The following STKLD1 variants were observed in gnomAD, a reference collection of about 807,000 sequenced individuals.
The protein encoded by STKLD1 is serine/threonine kinase like domain containing 1.
STKLD1 carries 79 observed loss-of-function variants against 80.4 expected under a neutral mutation model. That is an observed-to-expected ratio of 0.98 (90% confidence interval 0.82 to 1.19). STKLD1 has a LOEUF of 1.19. Among genes scored for constraint, STKLD1 ranks in the 50% most tolerant of loss-of-function variants. The pLI is 0.00. For synonymous variants in STKLD1, 393 were observed against 357.6 expected (o/e 1.10, Z -1.12); for missense variants, 841 against 856.0 (o/e 0.98, Z 0.22).
intron 10 of STKLD1, 82 bp from the exon 11 acceptor site, chr9:133,397,890 C>A: frequency 8.8e-7 from 1 of 1,135,522 alleles, no homozygotes; most frequent in Non-Finnish European, 1.3e-6. Flanking sequence ...ACACAGCAGC[C>A]AGCCCAGTGT....
Position 133,389,117 on chromosome 9 carries a change from CTT to C in STKLD1, c.397-406_397-405del. The C allele has an allele frequency of 3.0e-6, 3 of 985,378 alleles. No individual in the cohort carries two copies. The highest frequency in any genetic ancestry group is 3.6e-6 in the Non-Finnish European group (3 of 829,926). The allele number at this position is 985,378 out of a possible 1,614,324, so 61.0% of individuals were successfully genotyped here. On this transcript the variant is annotated intron_variant, in intron 5 of 17. Transcript: ENST00000371957. This position sits in a 1 kb window ranked among gnomAD's most constrained non-coding sequence, Gnocchi z 6.4. ...ACTCCTAGCATTCTCTCTCAGGGCT[CTT>C]TTCATTTGAATGACCTAGAGGATTG...
intron 5 of STKLD1, chr9:133,387,811 T>A (rs2130280899): frequency 1.7e-6 from 1 of 591,106 alleles, no homozygotes; most frequent in South Asian, 1.5e-5. Context: ...TGACCATGAT[T>A]CCAGATTGTT....
chr9:133,397,356 C>G, intron 10 of STKLD1, 62 bp downstream of exon 10: 1 of 1,600,128 alleles, frequency 6.2e-7, no homozygotes, highest in East Asian at 2.2e-5. Context: ...CCTTGGCATC[C>G]TATTGTTTAG....
intron 7 of STKLD1, among the ~76,000 whole-genome samples, chr9:133,393,687 G>C (rs1251605285): frequency 1.3e-5 from 2 of 151,750 alleles, no homozygotes; most frequent in Non-Finnish European, 2.9e-5. Context: ...GGTGTGCGTG[G>C]ATGGATGGGT....
At position 133,405,981 on chromosome 9, in the gene STKLD1, T is replaced by C. The variant is rs1838852466; in HGVS notation, c.*560T>C. ...CAGTGGGATACTTAATTCTGCAGTC[T>C]CTATAGACCTCGCCCCTGGACAGAG... On this transcript the variant is annotated 3_prime_UTR_variant, in exon 18 of 18. Coordinates refer to ENST00000371957, the MANE Select transcript of STKLD1 (RefSeq NM_153710.5). 1 of 152,874 alleles carries C rather than the reference T, an allele frequency of 6.5e-6. No individual in the cohort carries two copies. The highest frequency in any genetic ancestry group is 6.5e-5 in the Admixed American group (1 of 15,330). 9.5% of individuals were successfully genotyped at this position (152,874 alleles called of 1,614,324 possible).
intron 2 of STKLD1, among the ~76,000 whole-genome samples, chr9:133,380,938 C>A (rs1053765593): frequency 1.3e-5 from 2 of 152,218 alleles, no homozygotes; most frequent in Non-Finnish European, 1.5e-5. Context: ...CTAACCCAAG[C>A]CATCCCTATC....
chr9:133,380,783 CT>C (rs1293466259), intron 2 of STKLD1, among the ~76,000 whole-genome samples: 1 of 151,954 alleles, frequency 6.6e-6, no homozygotes, highest in Non-Finnish European at 1.5e-5. Flanking sequence ...CGTTTGTAAA[CT>C]TTTTTGGATT....
At position 133,405,535 on chromosome 9, in the gene STKLD1, G is replaced by GTCTGATTACCCCTCCC; in HGVS notation, c.*114_*115insTCTGATTACCCCTCCC. On this transcript the variant is annotated 3_prime_UTR_variant, in exon 18 of 18. Transcript: ENST00000371957. ...GCCAAAATCAATCTTAAACGGGAGG[G>GTCTGATTACCCCTCCC]GTAATCAGACCTCTCCAAAGAGTTT... 9.1e-7 allele frequency: 1 copy of GTCTGATTACCCCTCCC among 1,101,532 alleles called. No individual in the cohort carries two copies. The highest frequency in any genetic ancestry group is 1.3e-6 in the Non-Finnish European group (1 of 797,080). The allele number at this position is 1,101,532 out of a possible 1,614,324, so 68.2% of individuals were successfully genotyped here.
Position 133,385,743 on chromosome 9 carries a change from G to T in STKLD1, c.294+52G>T. 6.5e-7 allele frequency: 1 copy of T among 1,543,758 alleles called. No homozygotes were observed. The highest frequency in any genetic ancestry group is 1.1e-5 in the South Asian group (1 of 89,264). On this transcript the variant is annotated intron_variant, in intron 4 of 17. Transcript: ENST00000371957. The surrounding 1 kb of genome is among the most constrained non-coding windows in gnomAD (Gnocchi z 4.9). ...TCAGCCGCCACGCAGTGGGCTGCAG[G>T]ACCAAGCAGACTGAGCCCAGAGCAC...
intron 1 of STKLD1, 122 bp from the exon 2 acceptor site, chr9:133,378,914 G>A (rs2130258831): frequency 2.6e-6 from 2 of 774,762 alleles, no homozygotes; most frequent in Non-Finnish European, 4.2e-6. Context: ...ATGGGGTGGA[G>A]CCACTTGCTC....
Position 133,395,761 on chromosome 9 carries a change from A to G in STKLD1, c.864A>G (p.Ile288Met), listed in dbSNP as rs1554776634. ...TCGACCCCTCGGATCGAATAACGAT[A>G]AAGTGAGCTCAGGGTCGGGGTTTAT... ...LQIDPSDRIT[I>M]KDVVHITFLR... The change falls in exon 9 of 18, where the codon ATA (isoleucine) becomes ATG (methionine). Residue 288 changes from isoleucine (I) to methionine (M), a missense_variant and splice_region_variant. Physicochemically the swap from Ile to Met is conservative, Grantham distance 10 (BLOSUM62 1). Transcript: ENST00000371957. 1.3e-5 allele frequency: 21 copies of G among 1,613,256 alleles called. No homozygotes were observed. The highest frequency in any genetic ancestry group is 1.8e-5 in the Non-Finnish European group (21 of 1,179,894).
chr9:133,389,219 G>A lies in STKLD1; in HGVS notation c.397-307G>A. 1 of 985,386 alleles carries A rather than the reference G, an allele frequency of 1.0e-6. No homozygotes were observed. Among genetic ancestry groups the A allele is most frequent in the Non-Finnish European group, 1.2e-6 (1 of 829,910 alleles). 61.0% of individuals were successfully genotyped at this position (985,386 alleles called of 1,614,324 possible). On this transcript the variant is annotated intron_variant, in intron 5 of 17. Coordinates refer to ENST00000371957, the MANE Select transcript of STKLD1 (RefSeq NM_153710.5). This position sits in a 1 kb window ranked among gnomAD's most constrained non-coding sequence, Gnocchi z 6.4. Reference sequence around the variant, plus strand: ...GATCTGCCTTCAGCTCCCAGCAAGTGTGGGGCAGCGCGGGCCACAGAGTAG... The same window carrying A: ...GATCTGCCTTCAGCTCCCAGCAAGTATGGGGCAGCGCGGGCCACAGAGTAG...
chr9:133,397,080 G>A (rs145816013), intron 9 of STKLD1, 84 bp from the exon 10 acceptor site: 49 of 1,585,320 alleles, frequency 3.1e-5, no homozygotes, highest in East Asian at 1.1e-4. Context: ...TGGGCAGCCC[G>A]GAGCCAGAGG....
rs2130273018 is a variant in STKLD1, at chr9:133,384,685, G to C, written c.219+785G>C. 9.2e-5 allele frequency: 14 copies of C among 151,498 alleles called. No individual in the cohort carries two copies. Among genetic ancestry groups the C allele is most frequent in the African/African-American group, 2.9e-4 (12 of 41,218 alleles). 9.4% of individuals were successfully genotyped at this position (151,498 alleles called of 1,614,324 possible). A position where few individuals can be genotyped will look rare whatever the true frequency, so the allele number is the denominator to read the frequency against. The stretch of plus-strand genomic sequence containing the variant: ...CCACCTCGGCCTCCAAAGTGCTGGG[G>C]TACAGGCATGTACCACCACACCCAT... On this transcript the variant is annotated intron_variant, in intron 3 of 17. Transcript: ENST00000371957. This position sits in a 1 kb window ranked among gnomAD's most constrained non-coding sequence, Gnocchi z 4.3.
intron 1 of STKLD1, among the ~76,000 whole-genome samples, chr9:133,377,148 AG>A (rs1837994432): frequency 6.6e-6 from 1 of 152,198 alleles, no homozygotes; most frequent in Non-Finnish European, 1.5e-5. Flanking sequence ...AGAGGACTAT[AG>A]GGCGTTGCCA....
chr9:133,392,202 G>A (rs587628785), intron 7 of STKLD1, among the ~76,000 whole-genome samples: 177 of 151,106 alleles, frequency 1.2e-3, no homozygotes, highest in Middle Eastern at 3.4e-3. Context: ...TCAGCCTCCC[G>A]AGTAGCTGGG....
chr9:133,391,543 T>A (rs1256030148), intron 7 of STKLD1, among the ~76,000 whole-genome samples: 1 of 151,846 alleles, frequency 6.6e-6, no homozygotes, highest in Non-Finnish European at 1.5e-5. Context: ...TGCCTTGGGA[T>A]CCTGTTGATC....
intron 12 of STKLD1, among the ~76,000 whole-genome samples, chr9:133,401,292 C>T (rs1011185052): frequency 2.0e-5 from 3 of 152,068 alleles, no homozygotes; most frequent in Non-Finnish European, 4.4e-5. Context: ...GCACCCACCA[C>T]CACGCCTGGC....
At chr9:133,396,611 G>A (rs921231647) in intron 9 of STKLD1, among the ~76,000 whole-genome samples, 1 of 152,020 alleles carries the variant, frequency 6.6e-6, no homozygotes, top group Non-Finnish European at 1.5e-5. Flanking sequence ...AAAAAAATTA[G>A]CTGGGCATGG....
Sources: allele counts gnomAD v4.1 joint callset (sites outside exome capture counted in the v4.1 genomes callset), GRCh38; gene constraint gnomAD v4.1.1; non-coding constraint Gnocchi (gnomAD v3.1); transcripts MANE v1.5; gene names NCBI Gene and HGNC (gene_info 2026-07-23, HGNC 2026-07-21).